TENM2: variants seen among roughly 807,000 people sequenced by gnomAD.
TENM2 encodes teneurin-2.
In TENM2, 52 loss-of-function variants were observed where a neutral mutation model predicts 245.2. The observed-to-expected ratio is 0.21, with a 90% CI of 0.17 to 0.27. The LOEUF is 0.27. Ranked by LOEUF, TENM2 falls within the 10% of genes least tolerant of loss-of-function variation. TENM2 has a pLI of 1.00. For missense variants in TENM2, 3,046 were observed against 3,666.8 expected (o/e 0.83, Z 4.37); for synonymous variants, 1,363 against 1,438.9 (o/e 0.95, Z 1.19).
the TENM2 span, among the ~76,000 whole-genome samples, chr5:167,111,569 A>G: frequency 6.6e-6 from 1 of 152,222 alleles, no homozygotes; most frequent in Non-Finnish European, 1.5e-5. Flanking sequence ...CTCTAGGCTC[A>G]GGTTTGTCAT....
chr5:167,903,537 G>C (rs900873792), intron 3 of TENM2, among the ~76,000 whole-genome samples: 1 of 147,676 alleles, frequency 6.8e-6, no homozygotes, highest in Non-Finnish European at 1.5e-5. Flanking sequence ...TGGGGTGGGG[G>C]TGGAGGGTGG....
intron 2 of TENM2, among the ~76,000 whole-genome samples, chr5:167,708,787 T>C (rs1462007226): frequency 6.6e-6 from 1 of 152,206 alleles, no homozygotes; most frequent in Non-Finnish European, 1.5e-5. Flanking sequence ...TGGAGTTGTT[T>C]GCTCTAACTG....
intron 2 of TENM2, among the ~76,000 whole-genome samples, chr5:167,723,441 C>CATTCTCAGCA (rs914554980): frequency 1.3e-5 from 2 of 152,222 alleles, no homozygotes; most frequent in Non-Finnish European, 2.9e-5. Context: ...TTCATAAGTG[C>CATTCTCAGCA]ATTCTCAGCA....
chr5:167,021,295 G>A, the TENM2 span, among the ~76,000 whole-genome samples: 2 of 152,172 alleles, frequency 1.3e-5, no homozygotes, highest in Non-Finnish European at 2.9e-5. Flanking sequence ...TTTGGAGGAA[G>A]TCATTATATA....
intron 3 of TENM2, chr5:167,934,767 G>A (rs1447092414): frequency 4.2e-6 from 3 of 711,392 alleles, no homozygotes; most frequent in South Asian, 6.3e-5. Flanking sequence ...AAGGAAACTC[G>A]GCTCCAGCCC....
intron 12 of TENM2, among the ~76,000 whole-genome samples, chr5:168,151,688 C>T (rs925330343): frequency 3.9e-5 from 6 of 152,172 alleles, no homozygotes; most frequent in Non-Finnish European, 8.8e-5. Flanking sequence ...TTCACTATTC[C>T]AAGTACTGCC....
At position 168,200,147 on chromosome 5, in the gene TENM2, A is replaced by T; in HGVS notation, c.3430+16A>T. 6.2e-7 allele frequency: 1 copy of T among 1,606,578 alleles called. No homozygotes were observed. The highest frequency in any genetic ancestry group is 8.5e-7 in the Non-Finnish European group (1 of 1,175,222). ...GATGCTGTTGGTATGTTTTGGTTTC[A>T]ACCACTTATTGATCAATGGATTTAG... On this transcript the variant is annotated intron_variant, in intron 17 of 28. Transcript: ENST00000518659.
chr5:167,145,634 A>T, the TENM2 span, among the ~76,000 whole-genome samples: 1 of 152,154 alleles, frequency 6.6e-6, no homozygotes, highest in Non-Finnish European at 1.5e-5. Context: ...TATTAATGTT[A>T]TTATGAACTG....
intron 1 of TENM2, among the ~76,000 whole-genome samples, chr5:167,370,518 C>G (rs1040606303): frequency 1.3e-5 from 2 of 152,070 alleles, no homozygotes; most frequent in Admixed American, 1.3e-4. Context: ...ACATTCTCTC[C>G]CAACCTTAAA....
chr5:167,378,483 A>C (rs1760903582), intron 2 of TENM2, among the ~76,000 whole-genome samples: 2 of 151,528 alleles, frequency 1.3e-5, no homozygotes, highest in Admixed American at 1.3e-4. Flanking sequence ...GGTTGCTTCA[A>C]ATATATAAAA....
chr5:167,595,404 G>C (rs1776136405), intron 2 of TENM2, among the ~76,000 whole-genome samples: 1 of 152,106 alleles, frequency 6.6e-6, no homozygotes, highest in Admixed American at 6.5e-5. Flanking sequence ...CAGCAAATTG[G>C]GATGATGGAG....
At chr5:167,399,303 A>G (rs1018761501) in intron 2 of TENM2, among the ~76,000 whole-genome samples, 6 of 152,198 alleles carry the variant, frequency 3.9e-5, no homozygotes, top group African/African-American at 1.2e-4. Flanking sequence ...GCCAATAATA[A>G]GCCAGGATGA....
the TENM2 span, among the ~76,000 whole-genome samples, chr5:167,060,992 A>G: frequency 6.6e-6 from 1 of 152,072 alleles, no homozygotes; most frequent in East Asian, 1.9e-4. Flanking sequence ...GGGAGTGTCT[A>G]GTGTTCTAAA....
intron 2 of TENM2, among the ~76,000 whole-genome samples, chr5:167,630,103 T>C (rs1358233163): frequency 1.3e-5 from 2 of 152,106 alleles, no homozygotes; most frequent in East Asian, 3.8e-4. Flanking sequence ...GATAGAATTA[T>C]TCTTACCTTA....
chr5:167,269,201 GCAGTTAA>G, the TENM2 span, among the ~76,000 whole-genome samples: 9 of 152,126 alleles, frequency 5.9e-5, no homozygotes, highest in African/African-American at 1.9e-4. Flanking sequence ...TATATTCAGG[GCAGTTAA>G]CAGCTAAGAA....
intron 9 of TENM2, among the ~76,000 whole-genome samples, chr5:168,115,827 C>A (rs1795042351): frequency 6.6e-6 from 1 of 152,170 alleles, no homozygotes; most frequent in Admixed American, 6.5e-5. Context: ...TTGCCGGTCT[C>A]AGCCTGCACA....
the TENM2 span, among the ~76,000 whole-genome samples, chr5:167,052,903 C>A: frequency 1.6e-4 from 25 of 152,002 alleles, no homozygotes; most frequent in African/African-American, 5.3e-4. Flanking sequence ...TTCATGTTAT[C>A]TTCCTTTACT....
intron 13 of TENM2, among the ~76,000 whole-genome samples, chr5:168,189,805 A>G (rs1249868839): frequency 6.6e-6 from 1 of 152,154 alleles, no homozygotes; most frequent in African/African-American, 2.4e-5. Context: ...ACAGGGTCTC[A>G]CTATGTTGCC....
intron 4 of TENM2, among the ~76,000 whole-genome samples, chr5:167,958,272 G>T (rs2431733): frequency 0.48 from 72,492 of 152,074 alleles, 20,690 homozygotes; most frequent in African/African-American, 0.82. Flanking sequence ...TAAAGTCTGT[G>T]TTATCAGAGA....
Sources: allele counts gnomAD v4.1 joint callset (sites outside exome capture counted in the v4.1 genomes callset), GRCh38; gene constraint gnomAD v4.1.1; transcripts MANE v1.5; gene names NCBI Gene and HGNC (gene_info 2026-07-23, HGNC 2026-07-21).